The following ADGRV1 variants were observed in gnomAD, a reference collection of about 807,000 sequenced individuals.
ADGRV1 encodes G-protein coupled receptor 98.
In ADGRV1, 359 loss-of-function variants were observed where a neutral mutation model predicts 596.2. The observed-to-expected ratio is 0.60, with a 90% CI of 0.55 to 0.66. The LOEUF is 0.66. Among genes scored for constraint, ADGRV1 ranks in the 30% least tolerant of loss-of-function variants. The pLI is 0.00. For synonymous variants in ADGRV1, 2,681 were observed against 2,679.2 expected, an observed-to-expected ratio of 1.00 and a Z score of -0.02; for missense variants, 7,274 against 7,575.6, an observed-to-expected ratio of 0.96 and a Z score of 1.48.
rs190960793 is a variant in ADGRV1 at position 90,884,227 on chromosome 5, A to G, written c.17856+20370A>G. 2.0e-5 allele frequency among the ~76,000 whole-genome samples: 3 copies of G among 152,282 alleles called. No homozygotes were observed. In the East Asian group the frequency reaches 5.8e-4, roughly 29 times the overall value. The stretch of plus-strand genomic sequence containing the variant: ...TGCTCTCTACCATTCAAATGCCAGT[A>G]GCACACTTCCCCTAAAACATTTTGC... On this transcript the variant is annotated intron_variant, in intron 83 of 89. Transcript: ENST00000405460.
intron 83 of ADGRV1, among the ~76,000 whole-genome samples, chr5:90,897,092 T>G (rs751104079): frequency 6.6e-6 from 1 of 152,270 alleles, no homozygotes; most frequent in Admixed American, 6.5e-5. Context: ...TATTGTTTGT[T>G]GTTTGCACAC....
At position 90,591,662 on chromosome 5, in the gene ADGRV1, C is replaced by A. The variant is rs147759890; in HGVS notation, c.23-23173C>A. ...AAATGATTGAAAAAGTCAACTAATCCGGGACACTTAAAGTGAATTATTGTG... is the reference window on the plus strand; with the variant it reads ...AAATGATTGAAAAAGTCAACTAATCAGGGACACTTAAAGTGAATTATTGTG... On this transcript the variant is annotated intron_variant, in intron 1 of 89. Coordinates refer to ENST00000405460, the MANE Select transcript of ADGRV1 (RefSeq NM_032119.4). Among the ~76,000 whole-genome samples the A allele has an allele frequency of 1.1e-4, 17 of 152,172 alleles. No individual in the cohort carries two copies. The East Asian group carries it at 3.1e-3, about 28-fold the overall frequency.
intron 83 of ADGRV1, among the ~76,000 whole-genome samples, chr5:90,951,099 C>G (rs1252611156): frequency 2.0e-5 from 3 of 152,120 alleles, no homozygotes; most frequent in Non-Finnish European, 4.4e-5. Flanking sequence ...ATGGCATTTG[C>G]TCATTTTTGC....
chr5:90,739,058 C>A (rs910301930), intron 50 of ADGRV1, among the ~76,000 whole-genome samples: 1 of 151,566 alleles, frequency 6.6e-6, no homozygotes, highest in Admixed American at 6.6e-5. Flanking sequence ...AATTTTCTTT[C>A]TTCTGCTTGA....
At chr5:91,032,920 C>T (rs1251943317) in intron 85 of ADGRV1, among the ~76,000 whole-genome samples, 3 of 152,144 alleles carry the variant, frequency 2.0e-5, no homozygotes, top group Non-Finnish European at 4.4e-5. Flanking sequence ...TGTGGCATTT[C>T]CTGGCCATTT....
In ADGRV1 at chr5:90,646,003, A is replaced by C. The variant is rs758880156; in HGVS notation, c.2934A>C (p.Leu978=). The C allele has an allele frequency of 4.4e-6, 7 of 1,604,206 alleles. No homozygotes were observed. In the South Asian group the frequency reaches 7.9e-5, roughly 18 times the overall value. Reference sequence around the variant, plus strand: ...AAATGGAAGAATTTACCGTTATCCTACTGAATGGCACTGGAGGAGCTAAAG... The same window carrying C: ...AAATGGAAGAATTTACCGTTATCCTCCTGAATGGCACTGGAGGAGCTAAAG... ...PEEMEEFTVI[L]LNGTGGAKVG... Residue 978 remains leucine (L), a synonymous_variant, in exon 16 of 90, where the codon CTA becomes CTC. Transcript: ENST00000405460.
At chr5:90,784,603 G>A (rs1362360846) in intron 67 of ADGRV1, among the ~76,000 whole-genome samples, 1 of 152,136 alleles carries the variant, frequency 6.6e-6, no homozygotes, top group East Asian at 1.9e-4. Flanking sequence ...AATAGCTTCT[G>A]CAGAGGCATA....
rs752258417 is a variant in ADGRV1, at chr5:90,778,547, G to A, written c.12787G>A (p.Asp4263Asn). 1.2e-6 allele frequency: 2 copies of A among 1,612,624 alleles called. No homozygotes were observed. The highest frequency in any genetic ancestry group is 2.7e-5 in the African/African-American group (2 of 74,856). Reference protein sequence around the residue: ...STANITVVASDSPYGRFAFSH... With the variant: ...STANITVVASNSPYGRFAFSH... ...TGCCAACATCACGGTGGTGGCCAGC[G>A]ACTCTCCCTATGGCCGATTTGCCTT... is the stretch of plus-strand genomic sequence containing the variant. Residue 4263 changes from aspartate to asparagine, a missense_variant, in exon 63 of 90, where the codon GAC (aspartate) becomes AAC (asparagine). By Grantham distance (23) the Asp-to-Asn change is conservative. Around this residue, in one of 5 missense-constraint regions of ADGRV1, gnomAD observed 3,643 missense variants for 3,809.2 expected, o/e 0.96. Transcript: ENST00000405460.
chr5:91,092,575 T>C (rs1790481409), intron 86 of ADGRV1: 1 of 152,184 alleles, frequency 6.6e-6, no homozygotes, highest in South Asian at 2.1e-4. Context: ...TTCTGGTATA[T>C]ATATAAAAAA....
At chr5:90,835,550 A>G (rs1764901021) in intron 77 of ADGRV1, among the ~76,000 whole-genome samples, 1 of 152,190 alleles carries the variant, frequency 6.6e-6, no homozygotes, top group Non-Finnish European at 1.5e-5. Flanking sequence ...CCACTGCATA[A>G]CATATATCAT....
At chr5:91,083,495 T>G (rs948968561) in intron 86 of ADGRV1, among the ~76,000 whole-genome samples, 1 of 152,128 alleles carries the variant, frequency 6.6e-6, no homozygotes, top group Non-Finnish European at 1.5e-5. Context: ...GAAAGTGACG[T>G]TTTTACAATA....
intron 88 of ADGRV1, among the ~76,000 whole-genome samples, chr5:91,152,477 A>G (rs1221341513): frequency 2.6e-5 from 4 of 151,788 alleles, no homozygotes; most frequent in Non-Finnish European, 4.4e-5. Context: ...CATACATCTT[A>G]CCAAAAAAAA....
At chr5:90,715,662 T>C (rs1422230100) in intron 42 of ADGRV1, among the ~76,000 whole-genome samples, 2 of 152,214 alleles carry the variant, frequency 1.3e-5, no homozygotes, top group East Asian at 3.9e-4. Flanking sequence ...TTTCTTTTTT[T>C]TTTTTAAATA....
intron 2 of ADGRV1, 123 bp from the exon 3 acceptor site, chr5:90,617,681 C>T (rs1407779477): frequency 3.3e-5 from 24 of 735,630 alleles, no homozygotes; most frequent in Admixed American, 6.3e-5. Context: ...TTTTGTACAC[C>T]CTATCTATAA....
intron 59 of ADGRV1, among the ~76,000 whole-genome samples, chr5:90,767,386 A>G (rs1757253139): frequency 6.6e-6 from 1 of 152,208 alleles, no homozygotes; most frequent in African/African-American, 2.4e-5. Flanking sequence ...AAAAATACCA[A>G]TAAAACCTGA....
At chr5:90,683,022 AAT>A (rs779935671) in intron 27 of ADGRV1, among the ~76,000 whole-genome samples, 11 of 152,218 alleles carry the variant, frequency 7.2e-5, no homozygotes, top group Non-Finnish European at 1.5e-4. Flanking sequence ...CTTGCAATGA[AAT>A]ATATACCATT....
Position 90,716,656 on chromosome 5 carries a change from A to T in ADGRV1, c.9374A>T (p.Asn3125Ile). The T allele has an allele frequency of 6.2e-7, 1 of 1,613,308 alleles. No individual in the cohort carries two copies. The highest frequency in any genetic ancestry group is 2.2e-5 in the East Asian group (1 of 44,850). ...VTVQFIVTEV[N>I]SSNESKDLTP... is the part of the protein sequence containing the mutation. Reference sequence around the variant, plus strand: ...GTTCAGTTCATTGTGACAGAAGTGAATTCCTCAAATGAATCTAAAGATCTG... The same window carrying T: ...GTTCAGTTCATTGTGACAGAAGTGATTTCCTCAAATGAATCTAAAGATCTG... The change falls in exon 43 of 90, where the codon AAT (asparagine) becomes ATT (isoleucine). Residue 3125 changes from asparagine to isoleucine, a missense_variant. Coordinates refer to ENST00000405460, the MANE Select transcript of ADGRV1 (RefSeq NM_032119.4).
chr5:90,660,742 T>C (rs923277407), intron 21 of ADGRV1, among the ~76,000 whole-genome samples: 1 of 152,186 alleles, frequency 6.6e-6, no homozygotes, highest in African/African-American at 2.4e-5. Flanking sequence ...AAATTTAAAA[T>C]AGGCCTTCTG....
chr5:90,835,146 A>G (rs1293061875), intron 77 of ADGRV1, among the ~76,000 whole-genome samples: 4 of 152,182 alleles, frequency 2.6e-5, no homozygotes, highest in East Asian at 3.8e-4. Flanking sequence ...AGTCTTCACA[A>G]TCTGGGCTTA....
Sources: gnomAD v4.1 joint callset for allele counts (sites outside exome capture counted in the v4.1 genomes callset) on GRCh38, gnomAD v4.1.1 for gene constraint, gnomAD v4.1.1 regional missense constraint, MANE v1.5 for transcripts, NCBI Gene and HGNC (gene_info 2026-07-23, HGNC 2026-07-21) for gene names.